The following AFF2 variants were observed in gnomAD, a reference collection of about 807,000 sequenced individuals.
AFF2 encodes the protein ALF transcription elongation factor 2.
A neutral mutation model predicts 76.9 loss-of-function variants in AFF2; 14 were observed. That is an observed-to-expected ratio of 0.18 (90% CI 0.12 to 0.28). The LOEUF (loss-of-function observed/expected upper bound fraction) is 0.28, where lower values mean the gene tolerates loss of function less well. Among genes scored for constraint, AFF2 ranks in the 10% least tolerant of loss-of-function variants. The probability of loss-of-function intolerance (pLI) is 1.00; values close to 1 mark genes in which losing one functional copy is unlikely to be tolerated. For synonymous variants in AFF2, 398 were observed against 366.7 expected (o/e 1.09, Z -0.98); for missense variants, 868 against 1,001.1 (o/e 0.87, Z 1.79).
intron 8 of AFF2, among the ~76,000 whole-genome samples, chrX:148,899,888 T>C (rs970778249): frequency 9.0e-6 from 1 of 110,890 alleles, no homozygotes; most frequent in East Asian, 2.8e-4. Context: ...GATAATGTCA[T>C]AAGTCTGACT....
intron 3 of AFF2, among the ~76,000 whole-genome samples, chrX:148,704,300 T>A (rs782420038): frequency 1.6e-4 from 2 of 12,144 alleles, no homozygotes; most frequent in African/African-American, 3.9e-4. Flanking sequence ...ATATATATAT[T>A]TATATATATG....
At chrX:148,726,267 C>A (rs138998657) in intron 3 of AFF2, among the ~76,000 whole-genome samples, 1 of 111,923 alleles carries the variant, frequency 8.9e-6, no homozygotes, top group East Asian at 2.8e-4. Flanking sequence ...CCATTTGAGA[C>A]TTAGCGTCCA....
intron 6 of AFF2, 86 bp downstream of exon 6, chrX:148,843,088 A>T (rs782128243): frequency 1.3e-6 from 1 of 757,423 alleles, no homozygotes; most frequent in Non-Finnish European, 2.0e-6. Flanking sequence ...TAAAATCATT[A>T]AAACATGAAA....
chrX:148,906,003 C>T (rs1363982125), intron 9 of AFF2, among the ~76,000 whole-genome samples: 1 of 112,317 alleles, frequency 8.9e-6, no homozygotes, highest in Non-Finnish European at 1.9e-5. Flanking sequence ...ATTTGAAAAT[C>T]TGCTTAGTAA....
intron 9 of AFF2, among the ~76,000 whole-genome samples, chrX:148,914,248 C>T (rs1557282276): frequency 9.0e-6 from 1 of 110,818 alleles, no homozygotes; most frequent in Non-Finnish European, 1.9e-5. Context: ...AAAGCAGATG[C>T]TGTGTTGTGA....
chrX:148,537,554 T>C (rs782814703), intron 1 of AFF2, among the ~76,000 whole-genome samples: 1,284 of 110,946 alleles, frequency 0.012, 30 homozygotes, highest in African/African-American at 0.038. Flanking sequence ...AGTTTTTTTT[T>C]TTTCTTTCTA....
intron 1 of AFF2, among the ~76,000 whole-genome samples, chrX:148,601,189 A>G (rs1182087777): frequency 8.9e-6 from 1 of 112,537 alleles, no homozygotes; most frequent in Non-Finnish European, 1.9e-5. Context: ...ATTGCTAATG[A>G]GTCATATTCT....
At chrX:148,984,436 A>G (rs1416050150) in intron 19 of AFF2, among the ~76,000 whole-genome samples, 1 of 112,127 alleles carries the variant, frequency 8.9e-6, no homozygotes, top group Non-Finnish European at 1.9e-5. Context: ...GGGAAACCCC[A>G]CGCAGTGATG....
intron 1 of AFF2, among the ~76,000 whole-genome samples, chrX:148,628,616 GC>G (rs1275561048): frequency 9.0e-6 from 1 of 111,293 alleles, no homozygotes; most frequent in Non-Finnish European, 1.9e-5. Flanking sequence ...TGAATGCATG[GC>G]CTCCTTAGAG....
intron 1 of AFF2, among the ~76,000 whole-genome samples, chrX:148,604,291 A>G (rs1332982989): frequency 2.7e-5 from 3 of 113,035 alleles, no homozygotes; most frequent in African/African-American, 9.6e-5. Context: ...TACAAATAGT[A>G]TAATACAAAT....
intron 2 of AFF2, among the ~76,000 whole-genome samples, chrX:148,652,647 T>A (rs2054213874): frequency 8.9e-6 from 1 of 111,936 alleles, no homozygotes; most frequent in African/African-American, 3.2e-5. Flanking sequence ...TGGTGGTTAA[T>A]AATCATGGGT....
At chrX:148,614,746 C>CCT (rs1435787630) in intron 1 of AFF2, among the ~76,000 whole-genome samples, 4 of 38,497 alleles carry the variant, frequency 1.0e-4, no homozygotes, top group African/African-American at 5.0e-4. Context: ...TCTTTTCTTT[C>CCT]TTTCTTTCTT....
At chrX:148,919,780 G>T (rs2071572518) in intron 9 of AFF2, among the ~76,000 whole-genome samples, 1 of 111,189 alleles carries the variant, frequency 9.0e-6, no homozygotes, top group South Asian at 3.7e-4. Flanking sequence ...ATAAAAAAAA[G>T]AAACAATGTG....
intron 1 of AFF2, among the ~76,000 whole-genome samples, chrX:148,633,577 GCATTC>G (rs782433940): frequency 7.1e-5 from 8 of 112,305 alleles, no homozygotes; most frequent in East Asian, 5.6e-4. Flanking sequence ...TACAAAGAAA[GCATTC>G]TGTCAGTCAC....
At chrX:148,572,547 C>G (rs1237695713) in intron 1 of AFF2, among the ~76,000 whole-genome samples, 1 of 111,665 alleles carries the variant, frequency 9.0e-6, no homozygotes, top group African/African-American at 3.3e-5. Context: ...TAAATGTGGT[C>G]TATCTATACA....
At chrX:148,977,614 G>GAC (rs140911348) in intron 16 of AFF2, among the ~76,000 whole-genome samples, 1,255 of 92,714 alleles carry the variant, frequency 0.014, 23 homozygotes, top group African/African-American at 0.046. Flanking sequence ...CCAGCATTTA[G>GAC]ACACACACAC....
At chrX:148,585,257 C>T (rs200850824) in intron 1 of AFF2, among the ~76,000 whole-genome samples, 1 of 111,578 alleles carries the variant, frequency 9.0e-6, no homozygotes, top group South Asian at 3.8e-4. Context: ...GACTGTCCAG[C>T]GGTTTTGATG....
chrX:148,653,407 G>C (rs2054221668), intron 2 of AFF2, among the ~76,000 whole-genome samples: 1 of 112,186 alleles, frequency 8.9e-6, no homozygotes, highest in Admixed American at 9.4e-5. Context: ...GGAGTTCCTA[G>C]TCGAGTGGCA....
chrX:148,946,158 C>T (rs782496872), intron 9 of AFF2, among the ~76,000 whole-genome samples: 6 of 112,107 alleles, frequency 5.4e-5, no homozygotes, highest in South Asian at 3.7e-4. Flanking sequence ...TGTAAAAAGC[C>T]GGTCATTTAC....
Sources: gnomAD v4.1 joint callset for allele counts (sites outside exome capture counted in the v4.1 genomes callset) on GRCh38, gnomAD v4.1.1 for gene constraint, MANE v1.5 for transcripts, NCBI Gene and HGNC (gene_info 2026-07-23, HGNC 2026-07-21) for gene names.